LRRC4C: variants seen among roughly 807,000 people sequenced by gnomAD.
LRRC4C encodes the protein leucine rich repeat containing 4C.
Under a neutral mutation model 33.6 loss-of-function variants are expected in LRRC4C, and 5 were observed. That is an observed-to-expected ratio of 0.15 (90% CI 0.08 to 0.31). LRRC4C has a LOEUF of 0.31. Ranked by LOEUF, LRRC4C falls within the 10% of genes least tolerant of loss-of-function variation. The pLI, the probability that LRRC4C is intolerant of heterozygous loss-of-function variation, is 1.00. For synonymous variants in LRRC4C, 329 were observed against 302.0 expected (o/e 1.09, Z -0.93); for missense variants, 560 against 796.7 (o/e 0.70, Z 3.58).
chr11:41,403,258 C>A (rs972754650), intron 1 of LRRC4C, among the ~76,000 whole-genome samples: 3 of 152,020 alleles, frequency 2.0e-5, no homozygotes, highest in Admixed American at 6.6e-5. Flanking sequence ...AAGCTAAACT[C>A]AAGATATCTA....
chr11:40,733,756 T>C (rs1329928648), intron 2 of LRRC4C, among the ~76,000 whole-genome samples: 1 of 152,150 alleles, frequency 6.6e-6, no homozygotes, highest in African/African-American at 2.4e-5. Flanking sequence ...GGGACTTAGT[T>C]ACAGAAAAGT....
chr11:40,621,257 T>G (rs968799108), intron 3 of LRRC4C, among the ~76,000 whole-genome samples: 8 of 151,714 alleles, frequency 5.3e-5, no homozygotes, highest in African/African-American at 1.9e-4. Context: ...TTCTTTTTTT[T>G]TAATCCTGAA....
chr11:40,453,262 A>G (rs1006289034), intron 3 of LRRC4C, among the ~76,000 whole-genome samples: 4 of 152,162 alleles, frequency 2.6e-5, no homozygotes, highest in African/African-American at 9.7e-5. Context: ...TCTGAGTTTC[A>G]TTTTCTTTAA....
At chr11:40,309,869 A>G (rs552900072) in intron 4 of LRRC4C, among the ~76,000 whole-genome samples, 12 of 152,148 alleles carry the variant, frequency 7.9e-5, no homozygotes, top group Non-Finnish European at 1.6e-4. Context: ...GTTTGACTAG[A>G]GAAAGGAAAG....
chr11:40,617,939 AT>A (rs962065294), intron 3 of LRRC4C, among the ~76,000 whole-genome samples: 5 of 151,618 alleles, frequency 3.3e-5, no homozygotes, highest in African/African-American at 1.2e-4. Context: ...CTGACTATAT[AT>A]TTGATGTCTG....
At chr11:40,883,887 A>T (rs1955303905) in intron 2 of LRRC4C, among the ~76,000 whole-genome samples, 1 of 110,060 alleles carries the variant, frequency 9.1e-6, no homozygotes, top group African/African-American at 3.3e-5. Flanking sequence ...TGTGAACCAT[A>T]AGCTAGTTTT....
At chr11:40,373,060 A>G (rs774019942) in intron 3 of LRRC4C, among the ~76,000 whole-genome samples, 1 of 152,172 alleles carries the variant, frequency 6.6e-6, no homozygotes, top group Non-Finnish European at 1.5e-5. Flanking sequence ...TATTTCTGAC[A>G]TTTTTAATAA....
At chr11:40,380,071 T>C (rs145815466) in intron 3 of LRRC4C, among the ~76,000 whole-genome samples, 100 of 152,282 alleles carry the variant, frequency 6.6e-4, no homozygotes, top group African/African-American at 2.3e-3. Context: ...AGCATGTATA[T>C]TTCAGTGAAA....
At chr11:41,214,780 C>CAT (rs35864327) in intron 1 of LRRC4C, among the ~76,000 whole-genome samples, 4 of 142,388 alleles carry the variant, frequency 2.8e-5, no homozygotes, top group South Asian at 2.2e-4. Flanking sequence ...TATATACACA[C>CAT]ATATATATAT....
At chr11:40,567,906 T>A (rs1591130514) in intron 3 of LRRC4C, among the ~76,000 whole-genome samples, 1 of 152,186 alleles carries the variant, frequency 6.6e-6, no homozygotes, top group East Asian at 1.9e-4. Flanking sequence ...GAAATCCCCC[T>A]TTACCTCAAA....
intron 1 of LRRC4C, among the ~76,000 whole-genome samples, chr11:40,945,272 G>C (rs1227833277): frequency 6.6e-6 from 1 of 151,560 alleles, no homozygotes; most frequent in African/African-American, 2.4e-5. Flanking sequence ...CACCCGTCTC[G>C]GCCTCCCAAA....
intron 3 of LRRC4C, among the ~76,000 whole-genome samples, chr11:40,360,451 C>T (rs1590439457): frequency 6.6e-6 from 1 of 152,156 alleles, no homozygotes; most frequent in Non-Finnish European, 1.5e-5. Flanking sequence ...GGAAAACACT[C>T]TGCTGCGTGC....
intron 1 of LRRC4C, among the ~76,000 whole-genome samples, chr11:40,940,809 T>C (rs1256926857): frequency 2.0e-5 from 3 of 152,098 alleles, no homozygotes; most frequent in East Asian, 1.9e-4. Flanking sequence ...TCTGGGTTCA[T>C]ATCCAGTTAC....
intron 2 of LRRC4C, among the ~76,000 whole-genome samples, chr11:40,911,705 T>A (rs1451337039): frequency 6.6e-6 from 1 of 152,314 alleles, no homozygotes; most frequent in East Asian, 1.9e-4. Context: ...AGAATGACTT[T>A]TATGAGTTGA....
chr11:40,773,688 TAACTC>T (rs1211500372), intron 2 of LRRC4C, among the ~76,000 whole-genome samples: 4 of 152,052 alleles, frequency 2.6e-5, no homozygotes, highest in Admixed American at 2.6e-4. Flanking sequence ...TGTTACCACT[TAACTC>T]AGGATTTAAT....
At chr11:40,290,816 A>G (rs902514744) in intron 4 of LRRC4C, among the ~76,000 whole-genome samples, 20 of 152,100 alleles carry the variant, frequency 1.3e-4, no homozygotes, top group African/African-American at 4.8e-4. Flanking sequence ...GAGAAAATGA[A>G]TGTTGGAGTT....
At chr11:40,839,403 G>A (rs913821166) in intron 2 of LRRC4C, among the ~76,000 whole-genome samples, 13 of 151,974 alleles carry the variant, frequency 8.6e-5, no homozygotes, top group Non-Finnish European at 1.6e-4. Context: ...CCACCACCAT[G>A]CCTGGCTAAT....
At chr11:40,554,634 C>A (rs1349314259) in intron 3 of LRRC4C, among the ~76,000 whole-genome samples, 1 of 151,064 alleles carries the variant, frequency 6.6e-6, no homozygotes, top group Non-Finnish European at 1.5e-5. Flanking sequence ...TCTATGATTT[C>A]TTTCAGCTGT....
At chr11:40,776,399 C>A (rs796993424) in intron 2 of LRRC4C, among the ~76,000 whole-genome samples, 1 of 151,570 alleles carries the variant, frequency 6.6e-6, no homozygotes, top group African/African-American at 2.4e-5. Flanking sequence ...ATGATTGATT[C>A]CATTTTGAGC....
Sources: allele counts gnomAD v4.1 joint callset (sites outside exome capture counted in the v4.1 genomes callset), GRCh38; gene constraint gnomAD v4.1.1; transcripts MANE v1.5; gene names NCBI Gene and HGNC (gene_info 2026-07-23, HGNC 2026-07-21).